The following LAMA1 variants were observed in gnomAD, a reference collection of about 807,000 sequenced individuals.
LAMA1 encodes the protein laminin subunit alpha 1, also known as laminin subunit alpha-1.
LAMA1 carries 219 observed loss-of-function variants against 348.7 expected under a neutral mutation model. The ratio of observed to expected loss-of-function variants is 0.63; its 90% CI spans 0.56 to 0.70. LAMA1 has a LOEUF of 0.70. LAMA1 is among the 30% of genes least tolerant of loss of function. LAMA1 has a pLI of 0.00. For synonymous variants in LAMA1, 1,487 were observed against 1,491.0 expected (o/e 1.00, Z 0.06); for missense variants, 3,744 against 3,888.0 (o/e 0.96, Z 0.99).
intron 16 of LAMA1, among the ~76,000 whole-genome samples, chr18:7,026,942 T>A (rs1180541832): frequency 6.8e-6 from 1 of 147,744 alleles, no homozygotes; most frequent in Non-Finnish European, 1.5e-5. Flanking sequence ...TGTAGTCAGC[T>A]GAGATGGCGC....
chr18:7,003,825 A>T (rs2057819726), intron 29 of LAMA1, among the ~76,000 whole-genome samples: 2 of 152,222 alleles, frequency 1.3e-5, no homozygotes, highest in Non-Finnish European at 2.9e-5. Context: ...AAGTTCATTT[A>T]AATGTTTTTA....
intron 3 of LAMA1, among the ~76,000 whole-genome samples, chr18:7,054,598 T>G (rs2058074195): frequency 6.6e-6 from 1 of 152,230 alleles, no homozygotes; most frequent in Non-Finnish European, 1.5e-5. Flanking sequence ...AAAATAGCCA[T>G]GCAATACATG....
intron 6 of LAMA1, among the ~76,000 whole-genome samples, chr18:7,045,951 C>T (rs2058040369): frequency 6.7e-6 from 1 of 148,846 alleles, no homozygotes; most frequent in Non-Finnish European, 1.5e-5. Flanking sequence ...TTTATAATTG[C>T]ACTTTTTTTT....
chr18:6,954,093 C>T (rs576990441), intron 57 of LAMA1: 2 of 152,260 alleles, frequency 1.3e-5, no homozygotes, highest in African/African-American at 4.8e-5. Context: ...CTAAGAGCAG[C>T]TATGAGGAAG....
At chr18:7,023,445 CT>C in intron 18 of LAMA1, 70 bp from the exon 19 acceptor site, 1 of 1,237,354 alleles carries the variant, frequency 8.1e-7, no homozygotes. Flanking sequence ...TATCCAGGGA[CT>C]CCCTGAATGG....
At chr18:6,972,227 G>GGAGAA (rs2057661680) in intron 47 of LAMA1, 1 of 471,696 alleles carries the variant, frequency 2.1e-6, no homozygotes, top group African/African-American at 2.0e-5. Context: ...TTGATGGAGA[G>GGAGAA]AATCGTGTTG....
At chr18:7,108,845 A>G (rs2058324832) in intron 1 of LAMA1, among the ~76,000 whole-genome samples, 1 of 152,088 alleles carries the variant, frequency 6.6e-6, no homozygotes, top group Non-Finnish European at 1.5e-5. Context: ...AAAGGTAAAA[A>G]TGGCAGAGTT....
intron 53 of LAMA1, chr18:6,959,860 G>T: frequency 3.6e-6 from 1 of 275,948 alleles, no homozygotes. Flanking sequence ...ATGTTTAATT[G>T]TTTTGCCTGT....
chr18:6,965,930 T>C (rs2144017845), intron 49 of LAMA1: 1 of 565,860 alleles, frequency 1.8e-6, no homozygotes, highest in East Asian at 3.1e-5. Context: ...TTGGTGTTCT[T>C]CTATATTTTT....
chr18:7,060,173 C>A (rs1281035025), intron 3 of LAMA1, among the ~76,000 whole-genome samples: 1 of 152,182 alleles, frequency 6.6e-6, no homozygotes, highest in Non-Finnish European at 1.5e-5. Context: ...CTGCAATACA[C>A]ATTTTAAATA....
chr18:7,105,518 T>C (rs2058308748), intron 1 of LAMA1, among the ~76,000 whole-genome samples: 1 of 151,830 alleles, frequency 6.6e-6, no homozygotes. Context: ...AGTAGGTGAA[T>C]AAAGACAGCT....
chr18:7,014,315 C>CT (rs1180047255), intron 22 of LAMA1, among the ~76,000 whole-genome samples: 1 of 152,142 alleles, frequency 6.6e-6, no homozygotes, highest in Non-Finnish European at 1.5e-5. Flanking sequence ...CAAAACAAGT[C>CT]TAACGAAATT....
At chr18:7,110,362 A>G (rs780851790) in intron 1 of LAMA1, among the ~76,000 whole-genome samples, 1 of 152,190 alleles carries the variant, frequency 6.6e-6, no homozygotes, top group South Asian at 2.1e-4. Flanking sequence ...AGAAAAACAG[A>G]AAAGGAAATG....
chr18:7,028,498 A>C (rs2057954376), intron 16 of LAMA1, among the ~76,000 whole-genome samples: 1 of 152,232 alleles, frequency 6.6e-6, no homozygotes, highest in South Asian at 2.1e-4. Flanking sequence ...AAAGTACTGA[A>C]AGAGAAATCT....
At chr18:7,036,951 A>C (rs1206079262) in intron 12 of LAMA1, among the ~76,000 whole-genome samples, 1 of 152,106 alleles carries the variant, frequency 6.6e-6, no homozygotes, top group Admixed American at 6.5e-5. Context: ...GAATCTGGAG[A>C]GATGCGGCAT....
In LAMA1 at chr18:7,079,992, T is replaced by G. The variant is rs2058186276; in HGVS notation, c.328A>C (p.Thr110Pro). Residue 110 changes from threonine (T) to proline (P), a missense_variant, in exon 3 of 63, where the codon ACT (threonine) becomes CCT (proline). Thr to Pro is a conservative substitution (Grantham distance 38, BLOSUM62 -1). This residue lies in a region of LAMA1 where 1,529 missense variants were observed against 1,689.4 expected (regional missense o/e 0.91). Coordinates refer to ENST00000389658, the MANE Select transcript of LAMA1 (RefSeq NM_005559.4). ...TCACCTACCTGTCTTAAGTCCAGAGTGATTGTGACCCAGTGATATTCTCTC... is the reference window on the plus strand; with the variant it reads ...TCACCTACCTGTCTTAAGTCCAGAGGGATTGTGACCCAGTGATATTCTCTC... Reference protein sequence around the residue: ...NGREYHWVTITLDLRQVFQVA... With the variant: ...NGREYHWVTIPLDLRQVFQVA... 6.2e-7 allele frequency: 1 copy of G among 1,613,494 alleles called. No homozygotes were observed. Among genetic ancestry groups the G allele is most frequent in the African/African-American group, 1.3e-5 (1 of 74,902 alleles).
At chr18:6,947,442 C>G in intron 60 of LAMA1, 146 bp from the exon 61 acceptor site, 1 of 898,160 alleles carries the variant, frequency 1.1e-6, no homozygotes. Context: ...CACTCCTGCC[C>G]TCTGAGCCTC....
At chr18:7,000,834 T>C (rs1346277656) in intron 30 of LAMA1, among the ~76,000 whole-genome samples, 8 of 152,170 alleles carry the variant, frequency 5.3e-5, no homozygotes, top group Non-Finnish European at 8.8e-5. Flanking sequence ...TTTTTCCTCC[T>C]TAAAATAGTA....
chr18:7,067,223 T>C (rs2058126213), intron 3 of LAMA1, among the ~76,000 whole-genome samples: 1 of 150,176 alleles, frequency 6.7e-6, no homozygotes, highest in South Asian at 2.1e-4. Context: ...AGGATTGCTT[T>C]GCTTTCAGCA....
Sources: gnomAD v4.1 joint callset for allele counts (sites outside exome capture counted in the v4.1 genomes callset) on GRCh38, gnomAD v4.1.1 for gene constraint, gnomAD v4.1.1 regional missense constraint, MANE v1.5 for transcripts, NCBI Gene and HGNC (gene_info 2026-07-23, HGNC 2026-07-21) for gene names.